The following FBN1 variants were observed in gnomAD, a reference collection of about 807,000 sequenced individuals.
FBN1 encodes the protein fibrillin-1.
A neutral mutation model predicts 365.1 loss-of-function variants in FBN1; 29 were observed. That is an observed-to-expected ratio of 0.08 (90% CI 0.06 to 0.11). FBN1 has a LOEUF of 0.11. Among genes scored for constraint, FBN1 ranks in the 10% least tolerant of loss-of-function variants. The pLI is 1.00. For synonymous variants in FBN1, 1,210 were observed against 1,270.5 expected (o/e 0.95, Z 1.01); for missense variants, 2,476 against 3,703.2 (o/e 0.67, Z 8.60).
chr15:48,547,728 C>G (rs1009444792), intron 6 of FBN1, among the ~76,000 whole-genome samples: 3 of 52,158 alleles, frequency 5.8e-5, no homozygotes, highest in Non-Finnish European at 9.2e-5. Context: ...CTTTCACACA[C>G]ACACACACAC....
intron 23 of FBN1, 85 bp from the exon 24 acceptor site, chr15:48,492,671 C>A: frequency 9.0e-7 from 1 of 1,105,860 alleles, no homozygotes; most frequent in South Asian, 1.5e-5. Flanking sequence ...TAATTATTCC[C>A]CATTTTGAAC....
At chr15:48,581,598 A>G (rs1348119752) in intron 6 of FBN1, among the ~76,000 whole-genome samples, 1 of 152,224 alleles carries the variant, frequency 6.6e-6, no homozygotes, top group African/African-American at 2.4e-5. Context: ...GACAAAATTA[A>G]TTCTAAATAT....
At chr15:48,543,260 C>T (rs557462715) in intron 6 of FBN1, among the ~76,000 whole-genome samples, 2 of 152,214 alleles carry the variant, frequency 1.3e-5, no homozygotes, top group East Asian at 1.9e-4. Flanking sequence ...TGATCTCATG[C>T]CGCTGTCAGG....
intron 6 of FBN1, among the ~76,000 whole-genome samples, chr15:48,578,469 T>A (rs2044365987): frequency 6.6e-6 from 1 of 152,206 alleles, no homozygotes; most frequent in Non-Finnish European, 1.5e-5. Context: ...CTATAATTTA[T>A]TTTTAAGTGA....
chr15:48,490,357 C>T (rs1441043993), intron 24 of FBN1, among the ~76,000 whole-genome samples: 1 of 152,102 alleles, frequency 6.6e-6, no homozygotes, highest in Non-Finnish European at 1.5e-5. Flanking sequence ...TCTGAGAGAT[C>T]CCACAGTGTT....
chr15:48,621,476 G>T (rs1360405921), intron 2 of FBN1, among the ~76,000 whole-genome samples: 1 of 152,054 alleles, frequency 6.6e-6, no homozygotes, highest in African/African-American at 2.4e-5. Flanking sequence ...TCCACTAAGG[G>T]CCATTCTACA....
At chr15:48,616,769 T>C (rs1368114472) in intron 2 of FBN1, among the ~76,000 whole-genome samples, 1 of 152,174 alleles carries the variant, frequency 6.6e-6, no homozygotes, top group African/African-American at 2.4e-5. Context: ...TCTGTGCAAG[T>C]AGCAATAACA....
chr15:48,634,041 G>T (rs1010498228), intron 2 of FBN1, among the ~76,000 whole-genome samples: 6 of 152,164 alleles, frequency 3.9e-5, no homozygotes, highest in Admixed American at 3.9e-4. Flanking sequence ...GGCTATGGAA[G>T]AAGATATAAG....
intron 41 of FBN1, 64 bp downstream of exon 41, chr15:48,463,835 T>C (rs529243196): frequency 2.0e-6 from 3 of 1,534,756 alleles, no homozygotes; most frequent in East Asian, 4.9e-5. Flanking sequence ...GATGAACTTG[T>C]GAGCTCTCTT....
rs1212890785 is a variant in FBN1 at position 48,468,108 on chromosome 15, T to A, written c.4583-6A>T. 1 of 1,613,898 alleles carries A rather than the reference T, an allele frequency of 6.2e-7. No homozygotes were observed. The highest frequency in any genetic ancestry group is 8.5e-7 in the Non-Finnish European group (1 of 1,180,006). ...GCAATTTCCAGAGCGGGTATCTATT[T>A]ACCATATACAAACACAAAAGCATCA... On this transcript the variant is annotated splice_polypyrimidine_tract_variant and splice_region_variant and intron_variant, in intron 37 of 65. Transcript: ENST00000316623.
intron 20 of FBN1, 114 bp from the exon 21 acceptor site, chr15:48,495,702 G>A (rs1039943290): frequency 9.8e-5 from 134 of 1,364,018 alleles, no homozygotes; most frequent in Non-Finnish European, 1.3e-4. Flanking sequence ...CAGTAAAGCT[G>A]GGCTAAATAG....
intron 26 of FBN1, 36 bp downstream of exon 26, chr15:48,488,332 G>T: frequency 1.9e-6 from 3 of 1,614,146 alleles, no homozygotes; most frequent in Non-Finnish European, 1.7e-6. Flanking sequence ...TTTAAAGGAC[G>T]TCCCCTCTCC....
At chr15:48,475,995 A>C (rs1264150510) in intron 32 of FBN1, among the ~76,000 whole-genome samples, 4 of 152,230 alleles carry the variant, frequency 2.6e-5, no homozygotes, top group Non-Finnish European at 1.5e-5. Context: ...TGGCAGCCAC[A>C]TGGACCTATC....
rs899265095 is a variant in FBN1 at position 48,562,704 on chromosome 15, G to T, written c.539-24896C>A. On this transcript the variant is annotated intron_variant, in intron 6 of 65. Coordinates refer to ENST00000316623, the MANE Select transcript of FBN1 (RefSeq NM_000138.5). ...ACACCAGCATGCCAACTTGCTCGCT[G>T]GCAGGAAAGCTCTGCCTGCCCATGG... is the stretch of plus-strand genomic sequence containing the variant. Among the ~76,000 whole-genome samples the T allele has an allele frequency of 7.2e-5, 11 of 152,300 alleles. 1 individual carries two copies. Among genetic ancestry groups the T allele is most frequent in the Admixed American group, 6.5e-4 (10 of 15,294 alleles).
intron 6 of FBN1, among the ~76,000 whole-genome samples, chr15:48,578,090 G>A (rs2044363407): frequency 6.6e-6 from 1 of 152,130 alleles, no homozygotes; most frequent in South Asian, 2.1e-4. Flanking sequence ...ACAGAGAATG[G>A]GAGTAGGGAA....
At chr15:48,525,504 G>A (rs938555378) in intron 9 of FBN1, among the ~76,000 whole-genome samples, 2 of 152,166 alleles carry the variant, frequency 1.3e-5, no homozygotes, top group Admixed American at 1.3e-4. Context: ...GTGGGAGTGT[G>A]GGGGGACAAG....
intron 6 of FBN1, among the ~76,000 whole-genome samples, chr15:48,539,657 G>A (rs554995873): frequency 2.6e-5 from 4 of 152,190 alleles, no homozygotes; most frequent in Admixed American, 2.6e-4. Flanking sequence ...CAAAAATTGT[G>A]TGAGTGATAT....
At chr15:48,421,204 G>GT (rs1200266091) in intron 62 of FBN1, among the ~76,000 whole-genome samples, 1 of 152,004 alleles carries the variant, frequency 6.6e-6, no homozygotes, top group Non-Finnish European at 1.5e-5. Context: ...TTCCTCATAT[G>GT]TTTAGTCCAC....
chr15:48,478,415 T>C (rs2043439923), intron 32 of FBN1, among the ~76,000 whole-genome samples: 1 of 152,178 alleles, frequency 6.6e-6, no homozygotes, highest in Non-Finnish European at 1.5e-5. Context: ...CAATATGGAA[T>C]TACCCAGAAA....
Sources: allele counts gnomAD v4.1 joint callset (sites outside exome capture counted in the v4.1 genomes callset), GRCh38; gene constraint gnomAD v4.1.1; transcripts MANE v1.5; gene names NCBI Gene and HGNC (gene_info 2026-07-23, HGNC 2026-07-21).